The following TENM2 variants were observed in gnomAD, a reference collection of about 807,000 sequenced individuals.
TENM2 encodes the protein teneurin-2.
Under a neutral mutation model 245.2 loss-of-function variants are expected in TENM2, and 52 were observed. That is an observed-to-expected ratio of 0.21 (90% CI 0.17 to 0.27). TENM2 has a LOEUF of 0.27. Among genes scored for constraint, TENM2 ranks in the 10% least tolerant of loss-of-function variants. TENM2 has a pLI of 1.00. For missense variants in TENM2, 3,046 were observed against 3,666.8 expected, an observed-to-expected ratio of 0.83 and a Z score of 4.37; for synonymous variants, 1,363 against 1,438.9, an observed-to-expected ratio of 0.95 and a Z score of 1.19.
At chr5:168,249,574 G>T (rs17070030) in intron 27 of TENM2, among the ~76,000 whole-genome samples, 12,537 of 152,170 alleles carry the variant, frequency 0.082, 541 homozygotes, top group South Asian at 0.16. Context: ...GCCGGCAGAA[G>T]TGAGCTCAAG....
chr5:167,860,405 G>A (rs1247266556), intron 2 of TENM2, among the ~76,000 whole-genome samples: 12 of 109,230 alleles, frequency 1.1e-4, no homozygotes, highest in East Asian at 9.1e-4. Context: ...CGCCCCGTCC[G>A]GGAGGGAGGT....
At chr5:167,371,400 G>C (rs1257806271) in intron 1 of TENM2, among the ~76,000 whole-genome samples, 1 of 141,352 alleles carries the variant, frequency 7.1e-6, no homozygotes. Flanking sequence ...TTGTTGCCCA[G>C]GCTCAGGCTG....
intron 2 of TENM2, among the ~76,000 whole-genome samples, chr5:167,392,176 A>T (rs1761796161): frequency 6.6e-6 from 1 of 152,162 alleles, no homozygotes; most frequent in Admixed American, 6.6e-5. Context: ...GGAGAAAGAG[A>T]AAAGGAATTT....
chr5:166,979,486 G>C, the TENM2 span, among the ~76,000 whole-genome samples: 23 of 152,156 alleles, frequency 1.5e-4, no homozygotes, highest in African/African-American at 4.8e-4. Context: ...TATCTATGTA[G>C]ATGGTGTCAG....
intron 2 of TENM2, among the ~76,000 whole-genome samples, chr5:167,676,987 T>C (rs978597986): frequency 6.6e-6 from 1 of 152,100 alleles, no homozygotes; most frequent in African/African-American, 2.4e-5. Flanking sequence ...CTCAACTAAA[T>C]GTATGCATGT....
rs114156181 is a variant in TENM2 at position 167,646,091 on chromosome 5, C to T, written c.503-229895C>T. Among the ~76,000 whole-genome samples the T allele has an allele frequency of 8.0e-3, 1,196 of 148,904 alleles. 22 individuals are homozygous for T. The highest frequency in any genetic ancestry group is 0.028 in the African/African-American group (1,136 of 40,732). On this transcript the variant is annotated intron_variant, in intron 2 of 28. Transcript: ENST00000518659. ...ATTTGTGTCTCTTGCTCCAACACAACATATATATATACACACACACATATA... is the reference window on the plus strand; with the variant it reads ...ATTTGTGTCTCTTGCTCCAACACAATATATATATATACACACACACATATA...
At chr5:168,062,727 G>A (rs2152098063) in intron 7 of TENM2, among the ~76,000 whole-genome samples, 1 of 152,278 alleles carries the variant, frequency 6.6e-6, no homozygotes, top group Non-Finnish European at 1.5e-5. Flanking sequence ...CTACAACATG[G>A]ATGAACTTTA....
chr5:166,982,558 T>A, the TENM2 span, among the ~76,000 whole-genome samples: 71 of 152,192 alleles, frequency 4.7e-4, no homozygotes, highest in Non-Finnish European at 8.8e-4. Flanking sequence ...AAAGACAGAC[T>A]TAAAGAGGCA....
chr5:167,007,823 TG>T, the TENM2 span, among the ~76,000 whole-genome samples: 3 of 152,162 alleles, frequency 2.0e-5, no homozygotes, highest in Non-Finnish European at 4.4e-5. The surrounding 1 kb of genome is among the most constrained non-coding windows in gnomAD (Gnocchi z 4.2). Flanking sequence ...TTTGTGCCCA[TG>T]ATTTTTGATG....
intron 22 of TENM2, among the ~76,000 whole-genome samples, 169 bp downstream of exon 24, chr5:168,217,091 G>T (rs893530564): frequency 6.6e-6 from 1 of 152,108 alleles, no homozygotes; most frequent in South Asian, 2.1e-4. Flanking sequence ...AGATGGAGTG[G>T]AAAATGTCAG....
chr5:168,031,253 C>T (rs2151953252), intron 5 of TENM2, among the ~76,000 whole-genome samples: 1 of 152,288 alleles, frequency 6.6e-6, no homozygotes, highest in Non-Finnish European at 1.5e-5. Flanking sequence ...TTCCAGGTCT[C>T]CATAACCTCT....
At chr5:167,042,844 G>A in the TENM2 span, among the ~76,000 whole-genome samples, 1 of 152,206 alleles carries the variant, frequency 6.6e-6, no homozygotes, top group African/African-American at 2.4e-5. Flanking sequence ...ATTTTTGAAT[G>A]TTAGCCTGTA....
At chr5:167,743,202 A>G (rs1582890855) in intron 2 of TENM2, among the ~76,000 whole-genome samples, 1 of 152,176 alleles carries the variant, frequency 6.6e-6, no homozygotes. Context: ...GTTGACTAAT[A>G]GTGCCTCAGT....
At chr5:167,268,800 T>A in the TENM2 span, among the ~76,000 whole-genome samples, 1 of 152,092 alleles carries the variant, frequency 6.6e-6, no homozygotes, top group Non-Finnish European at 1.5e-5. Flanking sequence ...ACTGTCTGGA[T>A]CTTTACAGAA....
chr5:168,236,963 TA>T (rs1765510124), intron 25 of TENM2, among the ~76,000 whole-genome samples: 1 of 3,692 alleles, frequency 2.7e-4, no homozygotes, highest in Non-Finnish European at 6.7e-4. Flanking sequence ...TATATATATA[TA>T]TATATATATA....
chr5:167,319,998 G>A (rs1185721145), intron 1 of TENM2, among the ~76,000 whole-genome samples: 3 of 152,124 alleles, frequency 2.0e-5, no homozygotes, highest in Admixed American at 6.5e-5. Context: ...GTTAATATGT[G>A]TTGAACACTT....
intron 3 of TENM2, among the ~76,000 whole-genome samples, chr5:167,932,579 T>A (rs538948708): frequency 1.3e-5 from 2 of 152,240 alleles, no homozygotes; most frequent in South Asian, 4.2e-4. Context: ...CATACATACA[T>A]ATGTGTGTAA....
chr5:167,507,934 A>T (rs972010056), intron 2 of TENM2, among the ~76,000 whole-genome samples: 2 of 151,604 alleles, frequency 1.3e-5, no homozygotes, highest in African/African-American at 4.9e-5. Context: ...CCACTATGGG[A>T]CTCTGACAGT....
At chr5:167,570,074 G>A (rs1199111216) in intron 2 of TENM2, among the ~76,000 whole-genome samples, 1 of 152,118 alleles carries the variant, frequency 6.6e-6, no homozygotes, top group Non-Finnish European at 1.5e-5. Flanking sequence ...AAGAGAAAAG[G>A]CCGTTCTAAA....
Sources: gnomAD v4.1 joint callset for allele counts (sites outside exome capture counted in the v4.1 genomes callset) on GRCh38, gnomAD v4.1.1 for gene constraint, Gnocchi (gnomAD v3.1) non-coding constraint, MANE v1.5 for transcripts, NCBI Gene and HGNC (gene_info 2026-07-23, HGNC 2026-07-21) for gene names.